Variants in RBFOX1 observed in about 807,000 individuals in gnomAD.
RBFOX1 encodes RNA binding fox-1 homolog 1, also known as RNA binding protein fox-1 homolog 1.
A neutral mutation model predicts 57.7 loss-of-function variants in RBFOX1; 8 were observed. That is an observed-to-expected ratio of 0.14 (90% CI 0.08 to 0.25). The LOEUF is 0.25. Among genes scored for constraint, RBFOX1 ranks in the 10% least tolerant of loss-of-function variants. RBFOX1 has a pLI of 1.00. For missense variants in RBFOX1, 611 were observed against 548.5 expected (o/e 1.11, Z -1.14); for synonymous variants, 326 against 222.4 (o/e 1.47, Z -4.15).
At chr16:7,142,104 G>C (rs761189955) in intron 4 of RBFOX1, among the ~76,000 whole-genome samples, 1 of 151,952 alleles carries the variant, frequency 6.6e-6, no homozygotes. Flanking sequence ...GCTCAGTGCA[G>C]CATCAACCTC....
chr16:7,709,242 C>T, intron 15 of RBFOX1, 111 bp downstream of exon 15: 2 of 1,132,806 alleles, frequency 1.8e-6, no homozygotes, highest in South Asian at 1.5e-5. Context: ...TTGAATTTGT[C>T]TCTTGTGCTA....
chr16:7,416,995 G>A (rs1462869534), intron 4 of RBFOX1, among the ~76,000 whole-genome samples: 1 of 152,146 alleles, frequency 6.6e-6, no homozygotes, highest in Non-Finnish European at 1.5e-5. Context: ...AGATTCCAGT[G>A]TGGGGCTCGT....
In RBFOX1 at chr16:7,634,136, A is replaced by T. The variant is rs188777730; in HGVS notation, c.757+3453A>T. ...GTGCAGACTTTTTCTCTAGGAATCC[A>T]ACCATTGCCCTCAAAGCTGAGGCTA... On this transcript the variant is annotated intron_variant, in intron 11 of 15. Transcript: ENST00000550418. Among the ~76,000 whole-genome samples the T allele has an allele frequency of 1.5e-3, 225 of 152,286 alleles. 1 individual carries two copies. The highest frequency in any genetic ancestry group is 5.0e-3 in the African/African-American group (206 of 41,558).
At chr16:5,856,284 T>C (rs28800483) in intron 3 of RBFOX1, among the ~76,000 whole-genome samples, 3,487 of 86,252 alleles carry the variant, frequency 0.04, 469 homozygotes, top group African/African-American at 0.16. Flanking sequence ...CACATATATA[T>C]ACACACACAC....
chr16:7,406,350 G>C (rs1481032610), intron 4 of RBFOX1, among the ~76,000 whole-genome samples: 1 of 152,142 alleles, frequency 6.6e-6, no homozygotes, highest in Non-Finnish European at 1.5e-5. Flanking sequence ...CGTTATAGAA[G>C]AGTAAACCGA....
chr16:5,627,977 G>T (rs1268203353), intron 3 of RBFOX1, among the ~76,000 whole-genome samples: 1 of 152,162 alleles, frequency 6.6e-6, no homozygotes, highest in Non-Finnish European at 1.5e-5. Context: ...AGCATTTAGA[G>T]GCATTCTTAT....
intron 3 of RBFOX1, among the ~76,000 whole-genome samples, chr16:5,655,621 A>G (rs1333666980): frequency 6.6e-6 from 1 of 152,220 alleles, no homozygotes; most frequent in Non-Finnish European, 1.5e-5. Flanking sequence ...TTGATACAGC[A>G]GAGTGCCCTG....
chr16:5,975,309 A>T (rs2152303700), intron 4 of RBFOX1, among the ~76,000 whole-genome samples: 1 of 152,274 alleles, frequency 6.6e-6, no homozygotes, highest in South Asian at 2.1e-4. Flanking sequence ...GGAGCAATAC[A>T]TCACCCAAGC....
intron 4 of RBFOX1, among the ~76,000 whole-genome samples, chr16:5,896,853 G>T (rs1392722149): frequency 1.3e-5 from 2 of 151,996 alleles, no homozygotes; most frequent in Non-Finnish European, 1.5e-5. Context: ...CATCACTATA[G>T]TTCCTAAACA....
chr16:7,391,749 T>A (rs1188613655), intron 4 of RBFOX1, among the ~76,000 whole-genome samples: 1 of 152,210 alleles, frequency 6.6e-6, no homozygotes, highest in Non-Finnish European at 1.5e-5. Context: ...TCAGCATATG[T>A]GCCTTTTATA....
intron 2 of RBFOX1, among the ~76,000 whole-genome samples, chr16:6,378,887 C>T (rs189109551): frequency 3.9e-5 from 6 of 151,998 alleles, no homozygotes; most frequent in Admixed American, 1.3e-4. Context: ...GAGAGGTGGG[C>T]GGAAATGTTG....
rs1567633599 is a variant in RBFOX1, at chr16:7,189,554, A to ACACACACACAC, written c.27+137456_27+137457insCACACACACAC. Among the ~76,000 whole-genome samples the ACACACACACAC allele has an allele frequency of 7.6e-3, 1,028 of 135,820 alleles. 12 individuals carry two copies. Among genetic ancestry groups the ACACACACACAC allele is most frequent in the Middle Eastern group, 0.011 (3 of 262 alleles). The allele number at this position is 135,820 out of a possible 152,430, so 89.1% of individuals were successfully genotyped here. Reference sequence around the variant, plus strand: ...CACTCCAAAACACTATGTCCCCCAAAACACACACACACACACACACACACA... The same window carrying ACACACACACAC: ...CACTCCAAAACACTATGTCCCCCAAACACACACACACACACACACACACACACACACACACA... On this transcript the variant is annotated intron_variant, in intron 4 of 15. Transcript: ENST00000550418.
chr16:6,436,560 G>C (rs920478975), intron 2 of RBFOX1, among the ~76,000 whole-genome samples: 2 of 139,938 alleles, frequency 1.4e-5, no homozygotes, highest in Non-Finnish European at 3.0e-5. Context: ...TCACATATAG[G>C]TCCAAGTTGA....
At chr16:7,457,156 G>A (rs929041720) in intron 4 of RBFOX1, among the ~76,000 whole-genome samples, 14 of 152,114 alleles carry the variant, frequency 9.2e-5, no homozygotes, top group African/African-American at 3.4e-4. Context: ...CAAAGTGCTA[G>A]GATTACAGGT....
chr16:6,523,692 G>T (rs567422276), intron 2 of RBFOX1, among the ~76,000 whole-genome samples: 2 of 151,836 alleles, frequency 1.3e-5, no homozygotes, highest in Non-Finnish European at 2.9e-5. Context: ...GTTCAAATCT[G>T]TTAAAGAACT....
upstream of RBFOX1, chr16:5,239,759 C>A (rs1285109804): frequency 3.0e-5 from 5 of 165,060 alleles, no homozygotes; most frequent in Non-Finnish European, 6.0e-5. Flanking sequence ...GAGCCCGCGC[C>A]GGCCCCGATG....
chr16:6,438,984 G>A (rs1375380861), intron 2 of RBFOX1, among the ~76,000 whole-genome samples: 1 of 152,154 alleles, frequency 6.6e-6, no homozygotes, highest in African/African-American at 2.4e-5. Context: ...CTAGTGGCTT[G>A]AAGTTCTGCA....
At chr16:7,488,881 G>A (rs933386664) in intron 4 of RBFOX1, among the ~76,000 whole-genome samples, 4 of 151,960 alleles carry the variant, frequency 2.6e-5, no homozygotes, top group Admixed American at 6.5e-5. Context: ...CTTATCTACT[G>A]TCATTTTATC....
chr16:6,677,469 A>G (rs898795345), intron 3 of RBFOX1, among the ~76,000 whole-genome samples: 1 of 152,194 alleles, frequency 6.6e-6, no homozygotes, highest in Non-Finnish European at 1.5e-5. Context: ...ACATCAAAAG[A>G]TCCTAAAAAG....
Sources: gnomAD v4.1 joint callset for allele counts (sites outside exome capture counted in the v4.1 genomes callset) on GRCh38, gnomAD v4.1.1 for gene constraint, MANE v1.5 for transcripts, NCBI Gene and HGNC (gene_info 2026-07-23, HGNC 2026-07-21) for gene names.